Variants in CNIH3 observed in about 807,000 individuals in gnomAD.
The protein encoded by CNIH3 is protein cornichon homolog 3.
A neutral mutation model predicts 24.1 loss-of-function variants in CNIH3; 14 were observed. The ratio of observed to expected loss-of-function variants is 0.58; its 90% CI spans 0.38 to 0.91. The LOEUF (loss-of-function observed/expected upper bound fraction) is 0.91. Ranked by LOEUF, CNIH3 falls within the 40% of genes least tolerant of loss-of-function variation. The pLI, the probability that CNIH3 is intolerant of heterozygous loss-of-function variation, is 0.00. For synonymous variants in CNIH3, 68 were observed against 73.8 expected, an observed-to-expected ratio of 0.92 and a Z score of 0.40; for missense variants, 178 against 196.8, an observed-to-expected ratio of 0.90 and a Z score of 0.57.
downstream of CNIH3, among the ~76,000 whole-genome samples, chr1:224,589,642 A>C (rs983902413): frequency 6.6e-6 from 1 of 152,194 alleles, no homozygotes; most frequent in Non-Finnish European, 1.5e-5. Flanking sequence ...AAGATTTTTA[A>C]TCCAAAATAT....
chr1:224,503,301 A>G (rs1402235603), intron 1 of CNIH3, among the ~76,000 whole-genome samples: 4 of 152,162 alleles, frequency 2.6e-5, no homozygotes, highest in African/African-American at 9.7e-5. Context: ...AGAGTGTTCC[A>G]CATCTCCTTC....
chr1:224,562,152 T>C (rs1002361207), intron 3 of CNIH3, among the ~76,000 whole-genome samples: 1 of 152,218 alleles, frequency 6.6e-6, no homozygotes, highest in Admixed American at 6.5e-5. Flanking sequence ...GTATTGGGCT[T>C]CAACAGTTTA....
chr1:224,610,238 C>CA (rs1475769144), intron 3 of CNIH3, among the ~76,000 whole-genome samples: 9 of 152,316 alleles, frequency 5.9e-5, no homozygotes, highest in African/African-American at 2.2e-4. Context: ...TTTCAATTTA[C>CA]AAAGGGTTTA....
In CNIH3 at chr1:224,703,698, T is replaced by C. The variant is rs777529928; in HGVS notation, c.198+18855T>C. On this transcript the variant is annotated intron_variant, in intron 3 of 5. Transcript: ENST00000272133. This position sits in a 1 kb window ranked among gnomAD's most constrained non-coding sequence, Gnocchi z 4.2. ...AGAATAGAGTTTCCAAAGCAATTTG[T>C]TTCCTAAAAGATAGAAGTTCATCTT... 4.8e-5 allele frequency among the ~76,000 whole-genome samples: 7 copies of C among 147,318 alleles called. No individual in the cohort carries two copies. Among genetic ancestry groups the C allele is most frequent in the Non-Finnish European group, 1.0e-4 (7 of 68,004 alleles).
intron 3 of CNIH3, among the ~76,000 whole-genome samples, chr1:224,710,478 T>C (rs542820084): frequency 1.3e-5 from 2 of 152,350 alleles, no homozygotes; most frequent in African/African-American, 4.8e-5. Context: ...CTTGATCATA[T>C]ATAATTTCCA....
chr1:224,558,955 T>C (rs1256950131), intron 3 of CNIH3, among the ~76,000 whole-genome samples: 1 of 152,226 alleles, frequency 6.6e-6, no homozygotes, highest in Non-Finnish European at 1.5e-5. Context: ...GTCGTTTTAA[T>C]TAAGAAATAA....
At chr1:224,643,869 G>A (rs972330990) in intron 1 of CNIH3, among the ~76,000 whole-genome samples, 1 of 152,160 alleles carries the variant, frequency 6.6e-6, no homozygotes, top group Admixed American at 6.5e-5. Context: ...CTCCCAGTTC[G>A]CAGGTTGGCT....
chr1:224,454,256 A>C, intron 1 of CNIH3: 1 of 348,802 alleles, frequency 2.9e-6, no homozygotes, highest in Non-Finnish European at 3.7e-6. Context: ...TCTACTAGTA[A>C]GTTTTTTTTT....
intron 1 of CNIH3, among the ~76,000 whole-genome samples, chr1:224,508,027 A>G (rs1375861047): frequency 6.6e-6 from 1 of 152,230 alleles, no homozygotes; most frequent in Non-Finnish European, 1.5e-5. Context: ...GGAGAGGGCC[A>G]TCTGCCATGC....
intron 1 of CNIH3, among the ~76,000 whole-genome samples, chr1:224,487,893 C>A (rs898284690): frequency 6.6e-6 from 1 of 152,136 alleles, no homozygotes; most frequent in Admixed American, 6.5e-5. Flanking sequence ...TCTTTAAAAA[C>A]CCTTTCCTTC....
chr1:224,605,805 C>G (rs748567420), intron 3 of CNIH3, among the ~76,000 whole-genome samples: 3 of 152,116 alleles, frequency 2.0e-5, no homozygotes, highest in Non-Finnish European at 4.4e-5. Flanking sequence ...CTTACCGTAG[C>G]CCCCTGCCCA....
chr1:224,574,898 G>A, intron 4 of CNIH3: 1 of 1,012,844 alleles, frequency 9.9e-7, no homozygotes, highest in Non-Finnish European at 1.6e-6. Context: ...ATGAAGGGCT[G>A]GTGAAAGCTA....
rs545894980 is a variant in CNIH3, at chr1:224,483,412, A to G, written n.204-32329A>G. Among the ~76,000 whole-genome samples the G allele has an allele frequency of 4.7e-4, 70 of 150,152 alleles. No homozygotes were observed. In the East Asian group the frequency reaches 0.012, roughly 27 times the overall value. ...CTGATTTTTTTTTTTTTTTTTAGAC[A>G]GAGTCTTGCTCTGTTGTCCACGCTG... On this transcript the variant is annotated intron_variant and non_coding_transcript_variant, in intron 1 of 5. Coordinates refer to the CNIH3 transcript ENST00000471578.
chr1:224,591,141 T>C (rs1167089989), downstream of CNIH3, among the ~76,000 whole-genome samples: 2 of 152,228 alleles, frequency 1.3e-5, no homozygotes, highest in Non-Finnish European at 2.9e-5. Context: ...TAGTGATCAA[T>C]GAAAACAACA....
At chr1:224,692,571 A>G (rs982215270) in intron 3 of CNIH3, among the ~76,000 whole-genome samples, 3 of 152,192 alleles carry the variant, frequency 2.0e-5, no homozygotes, top group African/African-American at 7.2e-5. Context: ...GTTTCTTGGG[A>G]GGATTTCTAA....
intron 1 of CNIH3, among the ~76,000 whole-genome samples, chr1:224,506,282 C>T (rs1296893279): frequency 1.3e-5 from 1 of 75,426 alleles, no homozygotes; most frequent in African/African-American, 4.3e-5. Context: ...CGCGCGCGCG[C>T]GCGCGCACAC....
At chr1:224,486,765 A>C (rs560817268) in intron 1 of CNIH3, among the ~76,000 whole-genome samples, 3 of 152,354 alleles carry the variant, frequency 2.0e-5, no homozygotes, top group Non-Finnish European at 2.9e-5. Context: ...CAAATTGAAT[A>C]ACACTACCTT....
At position 224,500,396 on chromosome 1, in the gene CNIH3, G is replaced by A. The variant is rs182744980; in HGVS notation, n.204-15345G>A. Among the ~76,000 whole-genome samples the A allele has an allele frequency of 3.5e-4, 53 of 152,232 alleles. 2 individuals carry two copies. Among genetic ancestry groups the A allele is most frequent in the Admixed American group, 3.1e-3 (48 of 15,290 alleles). The stretch of plus-strand genomic sequence containing the variant: ...CTCTAAAGAAAGAATGACTTGGCTG[G>A]TGCAACAGTTCATGCCTGTAATCCC... On this transcript the variant is annotated intron_variant and non_coding_transcript_variant, in intron 1 of 5. Transcript: ENST00000471578.
At chr1:224,688,853 AG>A (rs1343155717) in intron 3 of CNIH3, among the ~76,000 whole-genome samples, 1 of 148,260 alleles carries the variant, frequency 6.7e-6, no homozygotes, top group Non-Finnish European at 1.5e-5. Flanking sequence ...TGAACCCAGG[AG>A]GTGGAGGTTG....
Sources: gnomAD v4.1 joint callset for allele counts (sites outside exome capture counted in the v4.1 genomes callset) on GRCh38, gnomAD v4.1.1 for gene constraint, Gnocchi (gnomAD v3.1) non-coding constraint, MANE v1.5 for transcripts, NCBI Gene and HGNC (gene_info 2026-07-23, HGNC 2026-07-21) for gene names.